Variants in CELSR1 observed in about 807,000 individuals in gnomAD.
The protein encoded by CELSR1 is adhesion G protein-coupled receptor C1.
CELSR1 carries 110 observed loss-of-function variants against 249.1 expected under a neutral mutation model. The observed-to-expected ratio is 0.44, with a 90% CI of 0.38 to 0.52. CELSR1 has a LOEUF of 0.52. CELSR1 is among the 20% of genes least tolerant of loss of function. The pLI, the probability that CELSR1 is intolerant of heterozygous loss-of-function variation, is 0.00. For missense variants in CELSR1, 4,109 were observed against 4,296.4 expected, an observed-to-expected ratio of 0.96 and a Z score of 1.22; for synonymous variants, 2,113 against 1,900.0, an observed-to-expected ratio of 1.11 and a Z score of -2.92.
rs1399037722 is a variant in CELSR1 at position 46,377,220 on chromosome 22, A to G, written c.7425T>C (p.Ala2475=). The change falls in exon 24 of 35, where the codon GCT becomes GCC. Residue 2475 remains alanine, a synonymous_variant. Transcript: ENST00000674500. ...VLPLKIVTYA[A]VSLSLAALLV... ...GCAGGGCTGCCAGTGACAAGGACAC[A>G]GCGGCATAGGTGACAATCTTCAGAG... is the stretch of plus-strand genomic sequence containing the variant. 2 of 1,614,050 alleles carry G rather than the reference A, an allele frequency of 1.2e-6. No homozygotes were observed. Among genetic ancestry groups the G allele is most frequent in the South Asian group, 1.1e-5 (1 of 91,088 alleles).
chr22:46,483,385 C>CTTTTTTTTTTTTTTT (rs10647586), intron 1 of CELSR1, among the ~76,000 whole-genome samples: 1 of 81,212 alleles, frequency 1.2e-5, no homozygotes, highest in Non-Finnish European at 2.2e-5. Context: ...CTATTCCTGA[C>CTTTTTTTTTTTTTTT]TTTTTTTTTT....
In CELSR1 at chr22:46,382,047, C is replaced by T. The variant is rs1317562435; in HGVS notation, c.6887G>A (p.Gly2296Asp). The T allele has an allele frequency of 3.3e-6, 5 of 1,532,794 alleles. No homozygotes were observed. Among genetic ancestry groups the T allele is most frequent in the Non-Finnish European group, 4.4e-6 (5 of 1,138,490 alleles). 94.9% of individuals were successfully genotyped at this position (1,532,794 alleles called of 1,614,324 possible). The change falls in exon 21 of 35, where the codon GGC (glycine) becomes GAC (aspartate). Residue 2296 changes from glycine (G) to aspartate (D), a missense_variant. By Grantham distance (94) the Gly-to-Asp change is moderately conservative. Transcript: ENST00000674500. Reference protein sequence around the residue: ...DFFRPPEEKEGPLLRPAGRRT... With the variant: ...DFFRPPEEKEDPLLRPAGRRT... ...CCGGCCAGCCGGCCTCAGCAGGGGG[C>T]CTTCTGCAATGTGAGCAGAAGGTGA... is the stretch of plus-strand genomic sequence containing the variant.
intron 5 of CELSR1, among the ~76,000 whole-genome samples, chr22:46,415,386 G>C (rs2079388069): frequency 6.6e-6 from 1 of 152,262 alleles, no homozygotes; most frequent in East Asian, 1.9e-4. Flanking sequence ...CTGACCTCAA[G>C]TGATCCACCT....
At position 46,473,493 on chromosome 22, in the gene CELSR1, A is replaced by G. The variant is rs929508778; in HGVS notation, c.3545-9148T>C. 6.6e-6 allele frequency among the ~76,000 whole-genome samples: 1 copy of G among 152,092 alleles called. No homozygotes were observed. Among genetic ancestry groups the G allele is most frequent in the Non-Finnish European group, 1.5e-5 (1 of 67,990 alleles). On this transcript the variant is annotated intron_variant, in intron 1 of 34. Transcript: ENST00000674500. This position sits in a 1 kb window ranked among gnomAD's most constrained non-coding sequence, Gnocchi z 6.6. ...CAGTGCCGGGCAGGAACCAGGGGCC[A>G]CTTATTCACTGTGAGTCTCCGTCAC...
In CELSR1 at chr22:46,381,731, C is replaced by T. The variant is rs992026282; in HGVS notation, c.7088+115G>A. The T allele has an allele frequency of 6.1e-5, 60 of 987,402 alleles. No homozygotes were observed. The highest frequency in any genetic ancestry group is 7.9e-5 in the Non-Finnish European group (54 of 682,180). 61.2% of individuals were successfully genotyped at this position (987,402 alleles called of 1,614,324 possible). A position where few individuals can be genotyped will look rare whatever the true frequency, so the allele number is the denominator to read the frequency against. ...GGTCTCTGTCTCTGGGCCAGGGTCA[C>T]GGTGAAATGTCACTGTGAAGACCTG... is the stretch of plus-strand genomic sequence containing the variant. On this transcript the variant is annotated intron_variant, in intron 21 of 34. Transcript: ENST00000674500. The surrounding 1 kb of genome is among the most constrained non-coding windows in gnomAD (Gnocchi z 6.0).
rs924313974 is a variant in CELSR1, at chr22:46,500,018, C to T, written c.3544+33609G>A. Among the ~76,000 whole-genome samples the T allele has an allele frequency of 1.3e-5, 2 of 152,142 alleles. No homozygotes were observed. Among genetic ancestry groups the T allele is most frequent in the Non-Finnish European group, 2.9e-5 (2 of 68,026 alleles). On this transcript the variant is annotated intron_variant, in intron 1 of 34. Coordinates refer to ENST00000674500, the MANE Select transcript of CELSR1 (RefSeq NM_001378328.1). The surrounding 1 kb of genome is among the most constrained non-coding windows in gnomAD (Gnocchi z 4.9). ...ACCCCATGCCTGGCTCAAGGCTCAGCGGCGACCTCTCCCGCTTATCTTCCC... is the reference window on the plus strand; with the variant it reads ...ACCCCATGCCTGGCTCAAGGCTCAGTGGCGACCTCTCCCGCTTATCTTCCC...
Position 46,481,549 on chromosome 22 carries a change from T to G in CELSR1, c.3545-17204A>C, listed in dbSNP as rs548951606. On this transcript the variant is annotated intron_variant, in intron 1 of 34. Transcript: ENST00000674500. ...CTCCAGCTCACTGGTGATCAAAGCC[T>G]GGGCTTAAGCCAGAGGCACATGGTG... The G allele has an allele frequency of 3.6e-5, 45 of 1,244,452 alleles. No homozygotes were observed. The East Asian group carries it at 8.9e-4, about 24-fold the overall frequency. 77.1% of individuals were successfully genotyped at this position (1,244,452 alleles called of 1,614,324 possible).
chr22:46,428,218 C>G lies in CELSR1; in HGVS notation c.4611+5175G>C, dbSNP rs143760344. Among the ~76,000 whole-genome samples the G allele has an allele frequency of 6.6e-6, 1 of 152,178 alleles. No homozygotes were observed. The highest frequency in any genetic ancestry group is 2.4e-5 in the African/African-American group (1 of 41,420). On this transcript the variant is annotated intron_variant, in intron 5 of 34. Coordinates refer to ENST00000674500, the MANE Select transcript of CELSR1 (RefSeq NM_001378328.1). The surrounding 1 kb of genome is among the most constrained non-coding windows in gnomAD (Gnocchi z 5.7). ...TTCCGCAGCATGCCAAAGACAGCCC[C>G]GCGCCATCTCAGAATCACCAGAACC...
chr22:46,497,914 C>T lies in CELSR1; in HGVS notation c.3545-33569G>A, dbSNP rs200484308. ...AAGAACAATGGGAGAAAATGTGCTC[C>T]ACCACCTCTCAGAATATGCTAGAAT... On this transcript the variant is annotated intron_variant, in intron 1 of 34. Transcript: ENST00000674500. 3.3e-5 allele frequency among the ~76,000 whole-genome samples: 5 copies of T among 152,168 alleles called. No homozygotes were observed. The East Asian group carries it at 7.7e-4, about 24-fold the overall frequency.
chr22:46,365,452 G>T (rs943792337), intron 31 of CELSR1, 72 bp from the exon 32 acceptor site: 3 of 1,581,656 alleles, frequency 1.9e-6, no homozygotes, highest in Non-Finnish European at 2.6e-6. Context: ...GCCAAGCAGA[G>T]CCACTGGGCC....
intron 22 of CELSR1, among the ~76,000 whole-genome samples, chr22:46,379,094 T>A (rs9626859): frequency 1.3e-5 from 2 of 152,294 alleles, no homozygotes; most frequent in African/African-American, 4.8e-5. Flanking sequence ...TCCGCCCCGC[T>A]GCTGGAACCA....
chr22:46,497,067 G>C (rs1438041279), intron 1 of CELSR1, among the ~76,000 whole-genome samples: 1 of 152,104 alleles, frequency 6.6e-6, no homozygotes, highest in Non-Finnish European at 1.5e-5. Flanking sequence ...CATGAGTAAT[G>C]TGTTGCACTA....
At position 46,406,180 on chromosome 22, in the gene CELSR1, A is replaced by T. The variant is rs1054328085; in HGVS notation, c.5226+2816T>A. Among the ~76,000 whole-genome samples, 1 of 152,228 alleles carries T rather than the reference A, an allele frequency of 6.6e-6. No individual in the cohort carries two copies. Among genetic ancestry groups the T allele is most frequent in the African/African-American group, 2.4e-5 (1 of 41,470 alleles). On this transcript the variant is annotated intron_variant, in intron 9 of 34. Transcript: ENST00000674500. The surrounding 1 kb of genome is among the most constrained non-coding windows in gnomAD (Gnocchi z 5.4). Reference sequence around the variant, plus strand: ...AAGCTCCAGTTCATCACCTGCATCCAACAGCCAATTTAATTTGTTCTGACA... The same window carrying T: ...AAGCTCCAGTTCATCACCTGCATCCTACAGCCAATTTAATTTGTTCTGACA...
At chr22:46,480,201 G>A (rs1266037021) in intron 1 of CELSR1, among the ~76,000 whole-genome samples, 2 of 152,198 alleles carry the variant, frequency 1.3e-5, no homozygotes, top group Admixed American at 1.3e-4. Flanking sequence ...AGGCCCATCA[G>A]CCAGTAATTC....
chr22:46,430,807 C>T lies in CELSR1; in HGVS notation c.4611+2586G>A, dbSNP rs941351082. Among the ~76,000 whole-genome samples, 3 of 152,094 alleles carry T rather than the reference C, an allele frequency of 2.0e-5. No homozygotes were observed. Among genetic ancestry groups the T allele is most frequent in the Non-Finnish European group, 4.4e-5 (3 of 68,014 alleles). ...ACTGGTCCTGCCCCCAGCTCAGGTG[C>T]ACTCCAGAGGAGGCCTCTGCACCTG... is the stretch of plus-strand genomic sequence containing the variant. On this transcript the variant is annotated intron_variant, in intron 5 of 34. Coordinates refer to ENST00000674500, the MANE Select transcript of CELSR1 (RefSeq NM_001378328.1). This position sits in a 1 kb window ranked among gnomAD's most constrained non-coding sequence, Gnocchi z 4.6.
Position 46,361,248 on chromosome 22 carries a change from C to A in CELSR1, c.*1975G>T, listed in dbSNP as rs1222801381. ...CCAGTGTTTTGAACATTAATAAATA[C>A]ACGTTCTGTTAAAAACCTCCAGTGT... On this transcript the variant is annotated 3_prime_UTR_variant, in exon 35 of 35. Coordinates refer to ENST00000674500, the MANE Select transcript of CELSR1 (RefSeq NM_001378328.1). The A allele has an allele frequency of 2.0e-5, 3 of 151,812 alleles. No homozygotes were observed. Among genetic ancestry groups the A allele is most frequent in the Non-Finnish European group, 4.4e-5 (3 of 68,040 alleles). 9.4% of individuals were successfully genotyped at this position (151,812 alleles called of 1,614,324 possible).
At chr22:46,426,201 T>C (rs921746740) in intron 5 of CELSR1, among the ~76,000 whole-genome samples, 2 of 134,964 alleles carry the variant, frequency 1.5e-5, no homozygotes, top group African/African-American at 3.1e-5. Flanking sequence ...GTTTAGATAA[T>C]GGAAGGTTGA....
intron 25 of CELSR1, chr22:46,370,257 C>T (rs11913064): frequency 0.015 from 6,303 of 411,274 alleles, 344 homozygotes; most frequent in African/African-American, 0.12. Context: ...CATATGTGAG[C>T]GGGTGAGGAA....
At chr22:46,444,115 GAGGCCC>G (rs2079789008) in intron 2 of CELSR1, among the ~76,000 whole-genome samples, 2 of 152,202 alleles carry the variant, frequency 1.3e-5, no homozygotes, top group South Asian at 4.1e-4. Flanking sequence ...AGAGGAAAGT[GAGGCCC>G]AGGCCCATGA....
Sources: allele counts gnomAD v4.1 joint callset (sites outside exome capture counted in the v4.1 genomes callset), GRCh38; gene constraint gnomAD v4.1.1; non-coding constraint Gnocchi (gnomAD v3.1); transcripts MANE v1.5; gene names NCBI Gene and HGNC (gene_info 2026-07-23, HGNC 2026-07-21).